Variants in DAB1 observed in about 807,000 individuals in gnomAD.
DAB1 encodes disabled homolog 1.
A neutral mutation model predicts 64.6 loss-of-function variants in DAB1; 15 were observed. The observed-to-expected ratio is 0.23, with a 90% CI of 0.16 to 0.36. The LOEUF (loss-of-function observed/expected upper bound fraction) is 0.36, where lower values mean the gene tolerates loss of function less well. Ranked by LOEUF, DAB1 falls within the 10% of genes least tolerant of loss-of-function variation. The pLI is 1.00. For missense variants in DAB1, 596 were observed against 706.7 expected (o/e 0.84, Z 1.78); for synonymous variants, 235 against 251.9 (o/e 0.93, Z 0.64).
At chr1:58,285,533 C>A (rs1661660958) in intron 4 of DAB1, among the ~76,000 whole-genome samples, 1 of 152,096 alleles carries the variant, frequency 6.6e-6, no homozygotes, top group Non-Finnish European at 1.5e-5. Flanking sequence ...AACAGGCAAG[C>A]AGAGAGCCAA....
chr1:57,846,693 C>A (rs556319713), intron 1 of DAB1, among the ~76,000 whole-genome samples: 1 of 152,082 alleles, frequency 6.6e-6, no homozygotes, highest in Non-Finnish European at 1.5e-5. Context: ...TCCAGGGCAT[C>A]TAGAACTACA....
chr1:57,493,836 G>A (rs1001647428), intron 7 of DAB1, among the ~76,000 whole-genome samples: 2 of 151,626 alleles, frequency 1.3e-5, no homozygotes, highest in Non-Finnish European at 2.9e-5. Context: ...CCCACTGAAA[G>A]AGCCAATCTC....
intron 5 of DAB1, among the ~76,000 whole-genome samples, chr1:58,097,802 G>A (rs548578083): frequency 1.5e-4 from 23 of 152,222 alleles, no homozygotes; most frequent in Non-Finnish European, 2.5e-4. Context: ...ACAGGCTGCC[G>A]CTACTGTCTC....
downstream of DAB1, among the ~76,000 whole-genome samples, chr1:57,823,125 C>T (rs1231365895): frequency 6.6e-6 from 1 of 151,632 alleles, no homozygotes; most frequent in East Asian, 2.0e-4. Flanking sequence ...GCTGGGATTA[C>T]AGGCACGTGC....
chr1:57,035,909 G>A (rs1449059459), intron 9 of DAB1, among the ~76,000 whole-genome samples: 1 of 116,092 alleles, frequency 8.6e-6, no homozygotes, highest in Admixed American at 1.2e-4. Context: ...GTGGTACAAT[G>A]TTGGCTCACT....
chr1:57,854,378 G>A (rs1653663609), intron 1 of DAB1, among the ~76,000 whole-genome samples: 1 of 152,214 alleles, frequency 6.6e-6, no homozygotes, highest in African/African-American at 2.4e-5. Context: ...CAGAAAGGGG[G>A]AGTGTGAATG....
At chr1:57,827,934 C>T (rs796488585) in intron 1 of DAB1, among the ~76,000 whole-genome samples, 6 of 152,220 alleles carry the variant, frequency 3.9e-5, no homozygotes, top group African/African-American at 1.4e-4. Context: ...ACATGATCAT[C>T]CCTATCTTTG....
intron 4 of DAB1, among the ~76,000 whole-genome samples, chr1:58,337,883 T>C (rs1362838976): frequency 6.6e-6 from 1 of 152,026 alleles, no homozygotes; most frequent in African/African-American, 2.4e-5. Flanking sequence ...TCATGCAAAA[T>C]GAAAAAGTTG....
At chr1:58,409,969 G>A (rs1323469773) in intron 3 of DAB1, among the ~76,000 whole-genome samples, 1 of 152,142 alleles carries the variant, frequency 6.6e-6, no homozygotes, top group Non-Finnish European at 1.5e-5. Flanking sequence ...CATTCCCATA[G>A]CCGGCTTGAG....
chr1:57,868,985 C>T (rs780970759), intron 1 of DAB1, among the ~76,000 whole-genome samples: 6 of 152,080 alleles, frequency 3.9e-5, no homozygotes, highest in African/African-American at 1.4e-4. Context: ...CAAAGCTATC[C>T]CTGATCACCC....
chr1:58,072,905 G>T (rs1008637741), intron 5 of DAB1, among the ~76,000 whole-genome samples: 6 of 152,170 alleles, frequency 3.9e-5, no homozygotes, highest in Non-Finnish European at 8.8e-5. Context: ...AAGTGTGTGT[G>T]TCCACAACAC....
chr1:57,141,751 C>G (rs953196342), intron 3 of DAB1, among the ~76,000 whole-genome samples: 1 of 152,126 alleles, frequency 6.6e-6, no homozygotes, highest in South Asian at 2.1e-4. Context: ...CCACCGTCTC[C>G]GAAAGCTGAC....
rs187343458 is a variant in DAB1, at chr1:58,220,496, G to A, written n.310-69908C>T. Among the ~76,000 whole-genome samples, 232 of 152,280 alleles carry A rather than the reference G, an allele frequency of 1.5e-3. 2 individuals are homozygous for A. Among genetic ancestry groups the A allele is most frequent in the Non-Finnish European group, 2.4e-3 (165 of 68,020 alleles). On this transcript the variant is annotated intron_variant and non_coding_transcript_variant, in intron 4 of 20. Coordinates refer to the DAB1 transcript ENST00000485760. ...TCTTCTGTGAGCAAGGGGCTGGGGG[G>A]AAGGTGGAAGGTAGAAGAGAGCCCT...
At chr1:58,106,709 C>A (rs1651661498) in intron 5 of DAB1, among the ~76,000 whole-genome samples, 1 of 152,140 alleles carries the variant, frequency 6.6e-6, no homozygotes, top group Non-Finnish European at 1.5e-5. Flanking sequence ...TTGAACTAAG[C>A]CATCTTACTG....
chr1:57,134,423 T>C (rs548543803), intron 4 of DAB1, among the ~76,000 whole-genome samples: 2 of 151,692 alleles, frequency 1.3e-5, no homozygotes, highest in East Asian at 1.9e-4. Context: ...CTGTCTCTAT[T>C]AAAATACAAA....
At chr1:57,761,586 C>A (rs1649089633) in intron 6 of DAB1, among the ~76,000 whole-genome samples, 1 of 152,222 alleles carries the variant, frequency 6.6e-6, no homozygotes, top group African/African-American at 2.4e-5. Flanking sequence ...AGGGCATTGT[C>A]TTTCTCTTCT....
chr1:57,291,078 G>A lies in DAB1; in HGVS notation c.-48C>T. On this transcript the variant is annotated 5_prime_UTR_variant, in exon 2 of 15. Transcript: ENST00000371236. ...TCACACAGATCCCGGGCCTCGGCCA[G>A]GCTCATTGAGGACTCTTCTCCAAGA... is the stretch of plus-strand genomic sequence containing the variant. 7.5e-7 allele frequency: 1 copy of A among 1,330,794 alleles called. No individual in the cohort carries two copies. The highest frequency in any genetic ancestry group is 1.3e-5 in the South Asian group (1 of 77,252). The allele number at this position is 1,330,794 out of a possible 1,614,324, so 82.4% of individuals were successfully genotyped here. A position where few individuals can be genotyped will look rare whatever the true frequency, so the allele number is the denominator to read the frequency against.
At chr1:57,880,554 G>A (rs1644129048) in intron 1 of DAB1, 1 of 152,152 alleles carries the variant, frequency 6.6e-6, no homozygotes, top group South Asian at 2.1e-4. Context: ...CTATCGGAAT[G>A]AATGTATCCT....
chr1:57,216,166 A>T (rs653386), intron 2 of DAB1, among the ~76,000 whole-genome samples: 48,944 of 151,498 alleles, frequency 0.32, 8,942 homozygotes, highest in Non-Finnish European at 0.42. Context: ...TAGTATGTGG[A>T]CTTAGATTTT....
Sources: allele counts gnomAD v4.1 joint callset (sites outside exome capture counted in the v4.1 genomes callset), GRCh38; gene constraint gnomAD v4.1.1; transcripts MANE v1.5; gene names NCBI Gene and HGNC (gene_info 2026-07-23, HGNC 2026-07-21).